The following IER2 variants were observed in gnomAD, a reference collection of about 807,000 sequenced individuals.
The protein encoded by IER2 is immediate early response 2.
For synonymous variants in IER2, 198 were observed against 149.6 expected (o/e 1.32, Z -2.36); for missense variants, 372 against 325.4 (o/e 1.14, Z -1.10).
chr19:13,153,125 G>A lies in IER2; in HGVS notation c.-62G>A. 1 of 1,280,548 alleles carries A rather than the reference G, an allele frequency of 7.8e-7. No individual in the cohort carries two copies. The highest frequency in any genetic ancestry group is 1.1e-6 in the Non-Finnish European group (1 of 949,828). 79.3% of individuals were successfully genotyped at this position (1,280,548 alleles called of 1,614,324 possible). ...GGCGTGAGCGAGCCCGTTGTCCGGA[G>A]TGCACCTGCTGCCTGTTCTGTCCCT... On this transcript the variant is annotated 5_prime_UTR_variant, in exon 2 of 2. The change creates a new upstream start codon in the 5' untranslated region. Coordinates refer to ENST00000292433, the MANE Select transcript of IER2 (RefSeq NM_004907.3).
Position 13,153,488 on chromosome 19 carries a change from C to G in IER2, c.302C>G (p.Ala101Gly), listed in dbSNP as rs565313289. 1.3e-6 allele frequency: 2 copies of G among 1,586,198 alleles called. No homozygotes were observed. The highest frequency in any genetic ancestry group is 1.1e-5 in the South Asian group (1 of 88,204). ...PFPEPMDTQEAPTAEETSACC... is the reference protein window; with the variant it reads ...PFPEPMDTQEGPTAEETSACC... ...CCGGAGCCAATGGACACGCAGGAGG[C>G]GCCGACAGCCGAGGAGACCTCCGCC... is the stretch of plus-strand genomic sequence containing the variant. Residue 101 changes from alanine (A) to glycine (G), a missense_variant, in exon 2 of 2, where the codon GCG (alanine) becomes GGG (glycine). Transcript: ENST00000292433.
intron 1 of IER2, among the ~76,000 whole-genome samples, chr19:13,151,761 G>C (rs2020063337): frequency 6.6e-6 from 1 of 152,000 alleles, no homozygotes; most frequent in Non-Finnish European, 1.5e-5. Flanking sequence ...GTCGGGGATG[G>C]GGAGGGGCGT....
chr19:13,153,914 G>A lies in IER2; in HGVS notation c.*56G>A. 1 of 1,372,340 alleles carries A rather than the reference G, an allele frequency of 7.3e-7. No homozygotes were observed. Among genetic ancestry groups the A allele is most frequent in the Non-Finnish European group, 9.5e-7 (1 of 1,055,048 alleles). 85.0% of individuals were successfully genotyped at this position (1,372,340 alleles called of 1,614,324 possible). On this transcript the variant is annotated 3_prime_UTR_variant, in exon 2 of 2. Coordinates refer to ENST00000292433, the MANE Select transcript of IER2 (RefSeq NM_004907.3). ...GCGCGCGTCGAACCGTCGGCCCGAG[G>A]GCGCAGACCTGAGGCGAGGCCACCC...
Position 13,153,428 on chromosome 19 carries a change from C to T in IER2, c.242C>T (p.Ala81Val), listed in dbSNP as rs762146537. ...CCGCCCCGAGAAGCCGAGTCCACGG[C>T]CGAGACAGCGACCCCCGACGGTGAG... ...LHPPREAEST[A>V]ETATPDGEHP... Residue 81 changes from alanine to valine, a missense_variant, in exon 2 of 2, where the codon GCC becomes GTC. Transcript: ENST00000292433. 8.2e-6 allele frequency: 13 copies of T among 1,593,034 alleles called. No homozygotes were observed. Among genetic ancestry groups the T allele is most frequent in the African/African-American group, 2.7e-5 (2 of 74,258 alleles).
chr19:13,153,657 C>T lies in IER2; in HGVS notation c.471C>T (p.Ala157=). 1.9e-6 allele frequency: 3 copies of T among 1,612,950 alleles called. No homozygotes were observed. The highest frequency in any genetic ancestry group is 1.7e-6 in the Non-Finnish European group (2 of 1,179,810). The part of the protein sequence containing the change: ...EEEEGASSEV[A]DRLQPPPAQA... ...AGGAGGGAGCGTCATCCGAAGTCGCCGATCGCCTGCAGCCCCCTCCGGCGC... is the reference window on the plus strand; with the variant it reads ...AGGAGGGAGCGTCATCCGAAGTCGCTGATCGCCTGCAGCCCCCTCCGGCGC... Residue 157 remains alanine (A), a synonymous_variant, in exon 2 of 2, where the codon GCC becomes GCT. Coordinates refer to ENST00000292433, the MANE Select transcript of IER2 (RefSeq NM_004907.3).
intron 1 of IER2, chr19:13,152,595 TG>T (rs1455049307): frequency 6.6e-6 from 1 of 152,396 alleles, no homozygotes; most frequent in East Asian, 1.9e-4. Flanking sequence ...CCTGGCACGT[TG>T]TAAGCGCTGT....
In IER2 at chr19:13,153,151, C is replaced by T. The variant is rs1410666490; in HGVS notation, c.-36C>T. The stretch of plus-strand genomic sequence containing the variant: ...TGCACCTGCTGCCTGTTCTGTCCCT[C>T]CCGGGAGCCCCCGCCGCTGTCGCCG... On this transcript the variant is annotated 5_prime_UTR_variant, in exon 2 of 2. Coordinates refer to ENST00000292433, the MANE Select transcript of IER2 (RefSeq NM_004907.3). 1 of 1,468,942 alleles carries T rather than the reference C, an allele frequency of 6.8e-7. No homozygotes were observed. The highest frequency in any genetic ancestry group is 1.4e-5 in the South Asian group (1 of 71,252). 91.0% of individuals were successfully genotyped at this position (1,468,942 alleles called of 1,614,324 possible).
At position 13,153,868 on chromosome 19, in the gene IER2, G is replaced by T; in HGVS notation, c.*10G>T. The T allele has an allele frequency of 7.1e-7, 1 of 1,412,448 alleles. No homozygotes were observed. Among genetic ancestry groups the T allele is most frequent in the Non-Finnish European group, 9.2e-7 (1 of 1,089,930 alleles). The allele number at this position is 1,412,448 out of a possible 1,614,324, so 87.5% of individuals were successfully genotyped here. ...CGTGGTGGCCTTCTGAGGACCCCGAGCGGCGCTGCCGGAGCCCAGAGCGCG... is the reference window on the plus strand; with the variant it reads ...CGTGGTGGCCTTCTGAGGACCCCGATCGGCGCTGCCGGAGCCCAGAGCGCG... On this transcript the variant is annotated 3_prime_UTR_variant, in exon 2 of 2. Coordinates refer to ENST00000292433, the MANE Select transcript of IER2 (RefSeq NM_004907.3).
At position 13,154,193 on chromosome 19, in the gene IER2, G is replaced by GTT. The variant is rs1189640314; in HGVS notation, c.*340_*341dup. 2.9e-6 allele frequency: 1 copy of GTT among 344,028 alleles called. No individual in the cohort carries two copies. The highest frequency in any genetic ancestry group is 5.5e-6 in the Non-Finnish European group (1 of 182,644). The allele number at this position is 344,028 out of a possible 1,614,324, so 21.3% of individuals were successfully genotyped here. On this transcript the variant is annotated 3_prime_UTR_variant, in exon 2 of 2. Transcript: ENST00000292433. ...GGGAGAAGGGAGGCTTGGGTGTTGT[G>GTT]TTTTTTGTTTTGTTTGTTTGTTTGT...
In IER2 at chr19:13,153,081, G is replaced by C. The variant is rs1361615726; in HGVS notation, c.-106G>C. On this transcript the variant is annotated 5_prime_UTR_variant, in exon 2 of 2. Transcript: ENST00000292433. ...GAGCGTCCTAGCAGTGTCACTGCGT[G>C]GGTTGGTTTGTGTAGAGAGGCGTGA... 1 of 787,118 alleles carries C rather than the reference G, an allele frequency of 1.3e-6. No individual in the cohort carries two copies. Among genetic ancestry groups the C allele is most frequent in the Non-Finnish European group, 1.9e-6 (1 of 522,756 alleles). 48.8% of individuals were successfully genotyped at this position (787,118 alleles called of 1,614,324 possible). A position where few individuals can be genotyped will look rare whatever the true frequency, so the allele number is the denominator to read the frequency against.
Position 13,153,237 on chromosome 19 carries a change from G to A in IER2, c.51G>A (p.Lys17=), listed in dbSNP as rs191637703. The change falls in exon 2 of 2, where the codon AAG becomes AAA. Residue 17 remains lysine (K), a synonymous_variant. Coordinates refer to ENST00000292433, the MANE Select transcript of IER2 (RefSeq NM_004907.3). ...GCATCATGACCCTGTCGGTGTGGAA[G>A]ATGTATCACTCCCGCATGCAGCGCG... The part of the protein sequence containing the change: ...AQRIMTLSVW[K]MYHSRMQRGG... The A allele has an allele frequency of 5.1e-6, 8 of 1,554,380 alleles. No individual in the cohort carries two copies. Among genetic ancestry groups the A allele is most frequent in the African/African-American group, 2.8e-5 (2 of 72,530 alleles).
chr19:13,154,234 C>A lies in IER2; in HGVS notation c.*376C>A. The A allele has an allele frequency of 4.3e-6, 1 of 232,624 alleles. No individual in the cohort carries two copies. The highest frequency in any genetic ancestry group is 1.2e-4 in the South Asian group (1 of 8,096). 14.4% of individuals were successfully genotyped at this position (232,624 alleles called of 1,614,324 possible). A position where few individuals can be genotyped will look rare whatever the true frequency, so the allele number is the denominator to read the frequency against. ...GTTTGTTTGTTTTTAAAGATCTCCTCAGGGTCGGACTTCATTTTGTACTGT... is the reference window on the plus strand; with the variant it reads ...GTTTGTTTGTTTTTAAAGATCTCCTAAGGGTCGGACTTCATTTTGTACTGT... On this transcript the variant is annotated 3_prime_UTR_variant, in exon 2 of 2. Transcript: ENST00000292433.
chr19:13,153,765 T>C lies in IER2; in HGVS notation c.579T>C (p.Pro193=). The change falls in exon 2 of 2, where the codon CCT becomes CCC. Residue 193 remains proline, a synonymous_variant. Transcript: ENST00000292433. ...SGLLNCSPAA[P]PTAPPACEAK... is the part of the protein sequence containing the mutation. The stretch of plus-strand genomic sequence containing the variant: ...TCCTGAACTGCAGCCCCGCGGCCCC[T>C]CCGACGGCGCCGCCCGCGTGCGAGG... 6.4e-7 allele frequency: 1 copy of C among 1,565,350 alleles called. No individual in the cohort carries two copies. The highest frequency in any genetic ancestry group is 8.6e-7 in the Non-Finnish European group (1 of 1,161,654).
chr19:13,151,244 C>T, intron 1 of IER2, among the ~76,000 whole-genome samples: 1 of 151,294 alleles, frequency 6.6e-6, no homozygotes, highest in South Asian at 2.1e-4. Flanking sequence ...AGCGCCTGGG[C>T]TGGGGAAATC....
chr19:13,151,650 TC>T (rs1381979194), intron 1 of IER2, among the ~76,000 whole-genome samples: 1 of 152,162 alleles, frequency 6.6e-6, no homozygotes, highest in Non-Finnish European at 1.5e-5. Context: ...CGTCACGCCT[TC>T]CTGGCCCCTG....
chr19:13,151,831 G>T (rs1409688511), intron 1 of IER2: 1 of 128,944 alleles, frequency 7.8e-6, no homozygotes, highest in Non-Finnish European at 1.6e-5. Context: ...GCCGCCGGCC[G>T]CTAAGGCGAT....
In IER2 at chr19:13,153,576, C is replaced by T. The variant is rs778969286; in HGVS notation, c.390C>T (p.Gly130=). 62 of 1,600,986 alleles carry T rather than the reference C, an allele frequency of 3.9e-5. No individual in the cohort carries two copies. In the African/African-American group the frequency reaches 5.0e-4, roughly 13 times the overall value. The part of the protein sequence containing the change: ...RKRRSSSLSD[G]GDAGLVPSKK... ...GACGCAGCAGCAGCCTGAGCGACGG[C>T]GGGGACGCTGGACTGGTCCCGAGCA... Residue 130 remains glycine (G), a synonymous_variant, in exon 2 of 2, where the codon GGC becomes GGT. Transcript: ENST00000292433.
At chr19:13,151,054 AG>A (rs1362116913) in intron 1 of IER2, among the ~76,000 whole-genome samples, 2 of 151,024 alleles carry the variant, frequency 1.3e-5, no homozygotes, top group African/African-American at 4.9e-5. Flanking sequence ...ATATCAGCGG[AG>A]GGACTCAGGG....
intron 1 of IER2, chr19:13,151,897 T>G (rs996025048): frequency 1.3e-5 from 2 of 151,288 alleles, no homozygotes; most frequent in Non-Finnish European, 2.9e-5. Flanking sequence ...CTGCCCTACG[T>G]CACTCCGTCC....
Sources: gnomAD v4.1 joint callset for allele counts (sites outside exome capture counted in the v4.1 genomes callset) on GRCh38, gnomAD v4.1.1 for gene constraint, MANE v1.5 for transcripts, NCBI Gene and HGNC (gene_info 2026-07-23, HGNC 2026-07-21) for gene names.